Variants in DYRK4 observed in about 807,000 individuals in gnomAD.
DYRK4 encodes dual specificity tyrosine-phosphorylation-regulated kinase 4.
DYRK4 carries 64 observed loss-of-function variants against 68.3 expected under a neutral mutation model. The observed-to-expected ratio is 0.94, with a 90% confidence interval of 0.77 to 1.15. The LOEUF is 1.15. Among genes scored for constraint, DYRK4 ranks in the 50% most tolerant of loss-of-function variants. DYRK4 has a pLI of 0.00. For missense variants in DYRK4, 740 were observed against 764.7 expected, an observed-to-expected ratio of 0.97 and a Z score of 0.38; for synonymous variants, 274 against 289.9, an observed-to-expected ratio of 0.95 and a Z score of 0.56.
chr12:4,605,633 T>A (rs191758298), intron 11 of DYRK4, among the ~76,000 whole-genome samples: 47 of 151,778 alleles, frequency 3.1e-4, no homozygotes, highest in African/African-American at 1.1e-3. Context: ...TAAGTTACCA[T>A]TAAAATATAT....
chr12:4,570,585 A>G (rs1944721310), intron 2 of DYRK4, among the ~76,000 whole-genome samples: 2 of 152,200 alleles, frequency 1.3e-5, no homozygotes, highest in South Asian at 4.1e-4. Context: ...TAATCCCTTC[A>G]TCTAAAAAAA....
intron 2 of DYRK4, among the ~76,000 whole-genome samples, chr12:4,574,501 C>A (rs907988570): frequency 2.0e-5 from 3 of 152,284 alleles, no homozygotes; most frequent in African/African-American, 7.2e-5. Context: ...ATTGGTATAA[C>A]ATTTGGCCGC....
In DYRK4 at chr12:4,562,272, C is replaced by T. The variant is rs907236722; in HGVS notation, c.27C>T (p.Arg9=). 1 of 1,532,634 alleles carries T rather than the reference C, an allele frequency of 6.5e-7. No individual in the cohort carries two copies. Among genetic ancestry groups the T allele is most frequent in the Non-Finnish European group, 8.7e-7 (1 of 1,145,446 alleles). 94.9% of individuals were successfully genotyped at this position (1,532,634 alleles called of 1,614,324 possible). ...TGCAGCTCCTCCCGCCGCCTATCCGCACCGGAACAAAGTAAGGGCCGCGGA... is the reference window on the plus strand; with the variant it reads ...TGCAGCTCCTCCCGCCGCCTATCCGTACCGGAACAAAGTAAGGGCCGCGGA... The part of the protein sequence containing the change: MQLLPPPI[R]TGTKTQMDAK... The change falls in exon 1 of 15, where the codon CGC becomes CGT. Residue 9 remains arginine, a synonymous_variant. Transcript: ENST00000543431.
At chr12:4,567,806 C>A in intron 1 of DYRK4, 149 bp from the exon 2 acceptor site, 1 of 648,666 alleles carries the variant, frequency 1.5e-6, no homozygotes, top group Non-Finnish European at 2.6e-6. Flanking sequence ...AGAAGGGAAG[C>A]AAGGGAGAAG....
Position 4,596,176 on chromosome 12 carries a change from T to A in DYRK4, c.655T>A (p.Tyr219Asn). Residue 219 changes from tyrosine to asparagine, a missense_variant, in exon 7 of 15, where the codon TAT becomes AAT. Coordinates refer to ENST00000543431, the MANE Select transcript of DYRK4 (RefSeq NM_001394779.1). ...CCTGCATGATCACATTGCCTACCGC[T>A]ATGAAGTTCTGGAGACAATCGGGAA... is the stretch of plus-strand genomic sequence containing the variant. ...KVLHDHIAYR[Y>N]EVLETIGKGS... 6.2e-7 allele frequency: 1 copy of A among 1,614,186 alleles called. No homozygotes were observed.
At chr12:4,599,256 A>T in intron 9 of DYRK4, 90 bp downstream of exon 9, 1 of 1,260,946 alleles carries the variant, frequency 7.9e-7, no homozygotes, top group Non-Finnish European at 1.1e-6. Context: ...CTCCAATCAA[A>T]TAATTGCCTT....
intron 10 of DYRK4, 133 bp downstream of exon 10, chr12:4,599,921 G>C (rs887491462): frequency 1.5e-6 from 1 of 688,510 alleles, no homozygotes; most frequent in Non-Finnish European, 2.5e-6. Flanking sequence ...AAGGTGCTTC[G>C]CTTCTCTGAG....
chr12:4,590,058 T>G, intron 3 of DYRK4: 1 of 1,003,674 alleles, frequency 1.0e-6, no homozygotes, highest in Non-Finnish European at 1.2e-6. Flanking sequence ...ATGAAATAAT[T>G]GAGGTTTCGA....
Position 4,596,316 on chromosome 12 carries a change from G to A in DYRK4, c.764+31G>A. ...GCTTGGGGATGACATAGGCCACAGA[G>A]GAGGGACTGCGTGACTGTGGCCCCT... is the stretch of plus-strand genomic sequence containing the variant. On this transcript the variant is annotated intron_variant, in intron 7 of 14. Coordinates refer to ENST00000543431, the MANE Select transcript of DYRK4 (RefSeq NM_001394779.1). 1.9e-6 allele frequency: 3 copies of A among 1,613,478 alleles called. No individual in the cohort carries two copies. The South Asian group carries it at 3.3e-5, about 18-fold the overall frequency.
rs1945235295 is a variant in DYRK4 at position 4,612,588 on chromosome 12, T to C, written c.1536T>C (p.His512=). 2 of 1,614,234 alleles carry C rather than the reference T, an allele frequency of 1.2e-6. No individual in the cohort carries two copies. Among genetic ancestry groups the C allele is most frequent in the Non-Finnish European group, 1.7e-6 (2 of 1,180,040 alleles). Residue 512 remains histidine (H), a synonymous_variant, in exon 14 of 15, where the codon CAT becomes CAC. Coordinates refer to ENST00000543431, the MANE Select transcript of DYRK4 (RefSeq NM_001394779.1). ...LRMTPDQALK[H]AWIHQSRNLK... The stretch of plus-strand genomic sequence containing the variant: ...TGACCCCGGACCAGGCCCTCAAGCA[T>C]GCTTGGATTCATCAGTCTCGGAACC...
chr12:4,562,497 G>A (rs61731954), intron 1 of DYRK4, among the ~76,000 whole-genome samples: 1,875 of 152,336 alleles, frequency 0.012, 42 homozygotes, highest in African/African-American at 0.043. Flanking sequence ...CCCGGAATCC[G>A]ACGTCAGTAT....
At chr12:4,580,707 A>G (rs1944832898) in intron 2 of DYRK4, 1 of 402,594 alleles carries the variant, frequency 2.5e-6, no homozygotes, top group Non-Finnish European at 4.9e-6. Flanking sequence ...GCCTCTGGGA[A>G]GGGATGACAG....
intron 10 of DYRK4, among the ~76,000 whole-genome samples, chr12:4,601,044 A>G (rs1309942056): frequency 2.6e-5 from 4 of 152,124 alleles, no homozygotes; most frequent in Admixed American, 2.6e-4. Flanking sequence ...TAAAAGGTCA[A>G]TTATTAGAAC....
chr12:4,604,778 T>G, intron 10 of DYRK4, 136 bp from the exon 11 acceptor site: 1 of 1,042,996 alleles, frequency 9.6e-7, no homozygotes, highest in Non-Finnish European at 1.3e-6. Flanking sequence ...GTAATGGGAG[T>G]TCTAAGTGCT....
At chr12:4,584,826 A>T (rs1382099577) in intron 2 of DYRK4, among the ~76,000 whole-genome samples, 1 of 152,090 alleles carries the variant, frequency 6.6e-6, no homozygotes, top group Non-Finnish European at 1.5e-5. Flanking sequence ...AAGTGCTGGG[A>T]TTACAGGCGT....
intron 11 of DYRK4, among the ~76,000 whole-genome samples, chr12:4,606,319 T>TATCAA (rs1216661371): frequency 6.6e-6 from 1 of 152,214 alleles, no homozygotes; most frequent in Non-Finnish European, 1.5e-5. Flanking sequence ...TCTATCTATC[T>TATCAA]ATCTATGTAT....
intron 4 of DYRK4, 139 bp downstream of exon 4, chr12:4,590,579 C>G: frequency 7.1e-7 from 1 of 1,407,492 alleles, no homozygotes; most frequent in Non-Finnish European, 9.2e-7. Flanking sequence ...TGTTCTCATT[C>G]TTTACAATGA....
intron 8 of DYRK4, 148 bp downstream of exon 8, chr12:4,596,877 G>C: frequency 2.7e-6 from 4 of 1,485,028 alleles, no homozygotes; most frequent in Non-Finnish European, 3.5e-6. Context: ...GAATGCCCAG[G>C]AGCAAGGAGG....
intron 12 of DYRK4, among the ~76,000 whole-genome samples, chr12:4,608,382 TTC>T (rs796775011): frequency 5.3e-4 from 80 of 152,276 alleles, no homozygotes; most frequent in African/African-American, 1.8e-3. Context: ...TGCGAGCAGC[TTC>T]TGAATATGTA....
Sources: gnomAD v4.1 joint callset for allele counts (sites outside exome capture counted in the v4.1 genomes callset) on GRCh38, gnomAD v4.1.1 for gene constraint, MANE v1.5 for transcripts, NCBI Gene and HGNC (gene_info 2026-07-23, HGNC 2026-07-21) for gene names.